STING1: variants seen among roughly 807,000 people sequenced by gnomAD.
The protein encoded by STING1 is stimulator of interferon response cGAMP interactor 1.
STING1 carries 19 observed loss-of-function variants against 31.6 expected under a neutral mutation model. The observed-to-expected ratio is 0.60, with a 90% confidence interval of 0.42 to 0.88. The LOEUF (loss-of-function observed/expected upper bound fraction) is 0.88, where lower values mean the gene tolerates loss of function less well. Among genes scored for constraint, STING1 ranks in the 40% least tolerant of loss-of-function variants. The pLI is 0.00. For synonymous variants in STING1, 200 were observed against 208.6 expected (o/e 0.96, Z 0.35); for missense variants, 371 against 483.7 (o/e 0.77, Z 2.19).
At position 139,480,830 on chromosome 5, in the gene STING1, T is replaced by C; in HGVS notation, c.480A>G (p.Ala160=). ...GCAGATATCCGATGTAATATGACCA[T>C]GCCAGCCCATGGGCCACGTTGAAAT... ...KGNFNVAHGL[A]WSYYIGYLRL... is the part of the protein sequence containing the mutation. Residue 160 remains alanine (A), a synonymous_variant, in exon 5 of 8, where the codon GCA becomes GCG. Transcript: ENST00000330794. 1.2e-6 allele frequency: 2 copies of C among 1,614,086 alleles called. No homozygotes were observed. The highest frequency in any genetic ancestry group is 1.1e-5 in the South Asian group (1 of 91,076).
At chr5:139,480,623 A>G (rs1273012222) in intron 5 of STING1, among the ~76,000 whole-genome samples, 167 bp downstream of exon 5, 1 of 152,252 alleles carries the variant, frequency 6.6e-6, no homozygotes, top group Non-Finnish European at 1.5e-5. Context: ...CTTTCTGCAA[A>G]CTAGGCATCA....
At chr5:139,477,898 G>A (rs1455811666) in intron 6 of STING1, among the ~76,000 whole-genome samples, 3 of 152,136 alleles carry the variant, frequency 2.0e-5, no homozygotes, top group Non-Finnish European at 1.5e-5. Context: ...CACAGCCTTC[G>A]TCTGGGGCAG....
At position 139,482,553 on chromosome 5, in the gene STING1, A is replaced by G. The variant is rs1751891737; in HGVS notation, c.-97T>C. On this transcript the variant is annotated 5_prime_UTR_variant, in exon 1 of 8. Coordinates refer to ENST00000330794, the MANE Select transcript of STING1 (RefSeq NM_198282.4). ...AAGGGTGTTTAGAAACACTCACCGC[A>G]GTCACAGCTCTGAACAGCGGGTTCC... The G allele has an allele frequency of 6.6e-6, 1 of 152,212 alleles. No homozygotes were observed. The highest frequency in any genetic ancestry group is 1.5e-5 in the Non-Finnish European group (1 of 68,118). 9.4% of individuals were successfully genotyped at this position (152,212 alleles called of 1,614,324 possible).
Position 139,476,211 on chromosome 5 carries a change from G to T in STING1, c.*50C>A. On this transcript the variant is annotated 3_prime_UTR_variant, in exon 8 of 8. Coordinates refer to ENST00000330794, the MANE Select transcript of STING1 (RefSeq NM_198282.4). ...ATTCAGCCACTGAAGAGAGCCCCCA[G>T]TCCAGAGGCTTGGAGACCACTGGAG... The T allele has an allele frequency of 7.0e-7, 1 of 1,436,182 alleles. No individual in the cohort carries two copies. 89.0% of individuals were successfully genotyped at this position (1,436,182 alleles called of 1,614,324 possible). A position where few individuals can be genotyped will look rare whatever the true frequency, so the allele number is the denominator to read the frequency against.
Position 139,478,507 on chromosome 5 carries a change from C to G in STING1, c.522G>C (p.Glu174Asp), listed in dbSNP as rs1751733201. ...YIGYLRLILP[E>D]LQARIRTYNQ... ...TGTAAGTTCGAATCCGGGCCTGGAG[C>G]TCTGAGGCAGGGAAGCCCAAGAAGT... Residue 174 changes from glutamate to aspartate, a missense_variant and splice_region_variant, in exon 6 of 8, where the codon GAG (glutamate) becomes GAC (aspartate). Transcript: ENST00000330794. 1 of 1,613,630 alleles carries G rather than the reference C, an allele frequency of 6.2e-7. No homozygotes were observed. Among genetic ancestry groups the G allele is most frequent in the Non-Finnish European group, 8.5e-7 (1 of 1,179,684 alleles).
intron 6 of STING1, 102 bp downstream of exon 6, chr5:139,478,168 A>T (rs1751717502): frequency 3.4e-6 from 3 of 874,948 alleles, no homozygotes; most frequent in Non-Finnish European, 5.4e-6. Flanking sequence ...GGGACACTAC[A>T]GCTCAGAGAA....
At chr5:139,479,397 T>G (rs2152093836) in intron 5 of STING1, among the ~76,000 whole-genome samples, 1 of 150,312 alleles carries the variant, frequency 6.7e-6, no homozygotes, top group East Asian at 2.0e-4. Context: ...ACTTTACCTC[T>G]CAGAACTGCA....
rs1231793270 is a variant in STING1 at position 139,481,356 on chromosome 5, C to T, written c.228-14G>A. ...CTGCCCCGGTACCTGTGAGTGACAG[C>T]CAGACCCCAGACCCCAGCCCCCAGC... On this transcript the variant is annotated splice_polypyrimidine_tract_variant and intron_variant, in intron 3 of 7. Coordinates refer to ENST00000330794, the MANE Select transcript of STING1 (RefSeq NM_198282.4). The surrounding 1 kb of genome is among the most constrained non-coding windows in gnomAD (Gnocchi z 4.1). The T allele has an allele frequency of 2.5e-6, 4 of 1,578,792 alleles. No individual in the cohort carries two copies. Among genetic ancestry groups the T allele is most frequent in the East Asian group, 2.2e-5 (1 of 44,632 alleles).
At position 139,481,464 on chromosome 5, in the gene STING1, C is replaced by T. The variant is rs1278998883; in HGVS notation, c.227+14G>A. Reference sequence around the variant, plus strand: ...ACGTTGGATACCCCGTCCCTGGGTACTGCAGTGAGTCACCTGGAGTGGATG... The same window carrying T: ...ACGTTGGATACCCCGTCCCTGGGTATTGCAGTGAGTCACCTGGAGTGGATG... On this transcript the variant is annotated intron_variant, in intron 3 of 7. Transcript: ENST00000330794. The surrounding 1 kb of genome is among the most constrained non-coding windows in gnomAD (Gnocchi z 4.1). The T allele has an allele frequency of 1.9e-6, 3 of 1,612,042 alleles. No homozygotes were observed. In the African/African-American group the frequency reaches 4.0e-5, roughly 22 times the overall value.
chr5:139,481,958 G>T lies in STING1; in HGVS notation c.-1+252C>A, dbSNP rs1304452698. 2 of 476,008 alleles carry T rather than the reference G, an allele frequency of 4.2e-6. No individual in the cohort carries two copies. Among genetic ancestry groups the T allele is most frequent in the Non-Finnish European group, 7.5e-6 (2 of 265,898 alleles). 29.5% of individuals were successfully genotyped at this position (476,008 alleles called of 1,614,324 possible). ...CCACCAAGACCCAGGGAGACCACAG[G>T]TGTGGTGAAGAAAGAAGGCAGCAAC... is the stretch of plus-strand genomic sequence containing the variant. On this transcript the variant is annotated intron_variant, in intron 2 of 7. Transcript: ENST00000330794. This position sits in a 1 kb window ranked among gnomAD's most constrained non-coding sequence, Gnocchi z 4.1.
intron 6 of STING1, 125 bp from the exon 7 acceptor site, chr5:139,477,640 TA>T (rs1751703651): frequency 2.0e-6 from 2 of 1,002,320 alleles, no homozygotes; most frequent in Admixed American, 5.2e-5. Flanking sequence ...CCTGTAACGA[TA>T]GAGTCCTGGG....
At chr5:139,480,980 C>T (rs972946491) in intron 4 of STING1, 82 bp from the exon 5 acceptor site, 1 of 1,242,326 alleles carries the variant, frequency 8.0e-7, no homozygotes, top group African/African-American at 1.5e-5. Context: ...GCTTCCCAAC[C>T]TGCTCCTGAC....
intron 5 of STING1, chr5:139,478,821 C>T (rs575627645): frequency 4.1e-4 from 139 of 341,516 alleles, no homozygotes; most frequent in African/African-American, 2.2e-3. Context: ...CCAGCATTCT[C>T]GTGTGCACAG....
chr5:139,478,332 C>T lies in STING1; in HGVS notation c.697G>A (p.Ala233Thr), dbSNP rs201670175. 8.7e-6 allele frequency: 14 copies of T among 1,614,148 alleles called. No individual in the cohort carries two copies. The highest frequency in any genetic ancestry group is 3.3e-4 in the Middle Eastern group (2 of 6,062). Reference protein sequence around the residue: ...DKLPQQTGDHAGIKDRVYSNS... With the variant: ...DKLPQQTGDHTGIKDRVYSNS... ...CTGTAAACCCGATCCTTGATGCCAG[C>T]ATGGTCACCGGTCTGCTGGGGCAGT... is the stretch of plus-strand genomic sequence containing the variant. Residue 233 changes from alanine to threonine, a missense_variant, in exon 6 of 8, where the codon GCT (alanine) becomes ACT (threonine). Ala to Thr is a moderately conservative substitution (Grantham distance 58). Transcript: ENST00000330794.
chr5:139,481,924 A>T lies in STING1; in HGVS notation c.1-220T>A. ...GCTGAAAACAGAGCAGGGCCTGCAC[A>T]TACACGCCCCACCAAGACCCAGGGA... is the stretch of plus-strand genomic sequence containing the variant. On this transcript the variant is annotated intron_variant, in intron 2 of 7. Coordinates refer to ENST00000330794, the MANE Select transcript of STING1 (RefSeq NM_198282.4). The surrounding 1 kb of genome is among the most constrained non-coding windows in gnomAD (Gnocchi z 4.1). The T allele has an allele frequency of 1.8e-6, 1 of 545,172 alleles. No homozygotes were observed. The allele number at this position is 545,172 out of a possible 1,614,324, so 33.8% of individuals were successfully genotyped here.
At chr5:139,477,923 G>A (rs538049043) in intron 6 of STING1, among the ~76,000 whole-genome samples, 1 of 152,240 alleles carries the variant, frequency 6.6e-6, no homozygotes, top group African/African-American at 2.4e-5. Context: ...ATGGTCAAGA[G>A]CATGGTACAG....
rs1472569433 is a variant in STING1 at position 139,475,543 on chromosome 5, T to C, written c.*718A>G. The C allele has an allele frequency of 1.3e-5, 2 of 152,150 alleles. No individual in the cohort carries two copies. Among genetic ancestry groups the C allele is most frequent in the African/African-American group, 2.4e-5 (1 of 41,428 alleles). The allele number at this position is 152,150 out of a possible 1,614,324, so 9.4% of individuals were successfully genotyped here. A position where few individuals can be genotyped will look rare whatever the true frequency, so the allele number is the denominator to read the frequency against. Reference sequence around the variant, plus strand: ...CACACTCACATTGGGTAATCTGAGATGTGCTTTAAAAAAGGACCGTTGAGA... The same window carrying C: ...CACACTCACATTGGGTAATCTGAGACGTGCTTTAAAAAAGGACCGTTGAGA... On this transcript the variant is annotated 3_prime_UTR_variant, in exon 8 of 8. Transcript: ENST00000330794.
chr5:139,476,186 A>T lies in STING1; in HGVS notation c.*75T>A. On this transcript the variant is annotated 3_prime_UTR_variant, in exon 8 of 8. Transcript: ENST00000330794. ...GTGGAAGGAAATAGCTCTGCTGGAC[A>T]TTCAGCCACTGAAGAGAGCCCCCAG... 8.3e-7 allele frequency: 1 copy of T among 1,209,320 alleles called. No individual in the cohort carries two copies. Among genetic ancestry groups the T allele is most frequent in the Non-Finnish European group, 1.2e-6 (1 of 863,096 alleles). 74.9% of individuals were successfully genotyped at this position (1,209,320 alleles called of 1,614,324 possible).
intron 7 of STING1, 140 bp downstream of exon 7, chr5:139,477,189 G>C (rs1751687818): frequency 1.2e-6 from 1 of 869,460 alleles, no homozygotes; most frequent in Admixed American, 2.3e-5. Context: ...GTGCTGGGAA[G>C]AGGGGGCTTC....
Sources: allele counts gnomAD v4.1 joint callset (sites outside exome capture counted in the v4.1 genomes callset), GRCh38; gene constraint gnomAD v4.1.1; non-coding constraint Gnocchi (gnomAD v3.1); transcripts MANE v1.5; gene names NCBI Gene and HGNC (gene_info 2026-07-23, HGNC 2026-07-21).